Variants in ZNF284 observed in about 807,000 individuals in gnomAD.
ZNF284 encodes the protein zinc finger protein 284.
In ZNF284, 12 loss-of-function variants were observed where a neutral mutation model predicts 12.9. The ratio of observed to expected loss-of-function variants is 0.93; its 90% CI spans 0.60 to 1.51. The LOEUF (loss-of-function observed/expected upper bound fraction) is 1.51. Ranked by LOEUF, ZNF284 falls within the 40% of genes most tolerant of loss-of-function variation. The pLI, the probability that ZNF284 is intolerant of heterozygous loss-of-function variation, is 0.00. For missense variants in ZNF284, 667 were observed against 707.3 expected (o/e 0.94, Z 0.65); for synonymous variants, 225 against 236.5 (o/e 0.95, Z 0.45).
chr19:44,079,581 C>T (rs541027423), intron 2 of ZNF284, among the ~76,000 whole-genome samples: 18 of 152,002 alleles, frequency 1.2e-4, no homozygotes, highest in African/African-American at 1.7e-4. Flanking sequence ...TGGTGGTGGG[C>T]GCCTGTAGTC....
chr19:44,078,768 T>TTAAATTAAAC (rs1967072114), intron 2 of ZNF284, among the ~76,000 whole-genome samples: 2 of 152,192 alleles, frequency 1.3e-5, no homozygotes, highest in Admixed American at 6.5e-5. Flanking sequence ...TTTGAAATTA[T>TTAAATTAAAC]TAAATTAAAC....
intron 1 of ZNF284, among the ~76,000 whole-genome samples, chr19:44,073,225 G>T (rs1966975251): frequency 6.6e-6 from 1 of 152,178 alleles, no homozygotes; most frequent in Non-Finnish European, 1.5e-5. Context: ...AAACCTGGGC[G>T]TTACAGGTCA....
In ZNF284 at chr19:44,086,912, T is replaced by C. The variant is rs528357630; in HGVS notation, c.1434T>C (p.Thr478=). The change falls in exon 5 of 5, where the codon ACT becomes ACC. Residue 478 remains threonine (T), a synonymous_variant. Transcript: ENST00000421176. Reference sequence around the variant, plus strand: ...TTTTGAGACATAAGAGACTCCATACTGGAGAAAAACCATTCAAATGTGAAG... The same window carrying C: ...TTTTGAGACATAAGAGACTCCATACCGGAGAAAAACCATTCAAATGTGAAG... The part of the protein sequence containing the change: ...SGILRHKRLH[T]GEKPFKCEEC... 1.2e-6 allele frequency: 2 copies of C among 1,614,128 alleles called. No homozygotes were observed. The highest frequency in any genetic ancestry group is 1.7e-6 in the Non-Finnish European group (2 of 1,180,012).
At position 44,087,269 on chromosome 19, in the gene ZNF284, C is replaced by T; in HGVS notation, c.*9C>T. ...TTTTAAATGATATATAATTATTGTC[C>T]ATATTTATGGGTTACAGCATATTTC... On this transcript the variant is annotated 3_prime_UTR_variant, in exon 5 of 5. Transcript: ENST00000421176. 2.0e-6 allele frequency: 3 copies of T among 1,499,334 alleles called. No individual in the cohort carries two copies. Among genetic ancestry groups the T allele is most frequent in the Non-Finnish European group, 9.0e-7 (1 of 1,116,180 alleles). 92.9% of individuals were successfully genotyped at this position (1,499,334 alleles called of 1,614,324 possible).
intron 2 of ZNF284, among the ~76,000 whole-genome samples, chr19:44,076,921 G>A (rs1203587287): frequency 6.6e-6 from 1 of 151,550 alleles, no homozygotes; most frequent in African/African-American, 2.4e-5. Flanking sequence ...CCGGGTTCAA[G>A]CGATTCTCCT....
At chr19:44,076,206 T>C in intron 1 of ZNF284, 116 bp from the exon 2 acceptor site, 1 of 532,100 alleles carries the variant, frequency 1.9e-6, no homozygotes, top group Non-Finnish European at 3.3e-6. Context: ...TTATGAATAA[T>C]GCCCCTGTGA....
At chr19:44,085,585 G>A (rs1967218929) in intron 4 of ZNF284, 129 bp from the exon 5 acceptor site, 2 of 793,220 alleles carry the variant, frequency 2.5e-6, no homozygotes, top group African/African-American at 1.7e-5. Context: ...AGACCGTGGT[G>A]CACTTGGAAA....
rs763788955 is a variant in ZNF284 at position 44,077,535 on chromosome 19, C to CTT, written c.15+1154_15+1155dup. The stretch of plus-strand genomic sequence containing the variant: ...ACCCTGGATGTAATCATTTTTCTGT[C>CTT]TTTTTTTTTTTTTTTTTTTTTTTTA... On this transcript the variant is annotated intron_variant, in intron 2 of 4. Transcript: ENST00000421176. 6.0e-3 allele frequency among the ~76,000 whole-genome samples: 455 copies of CTT among 76,184 alleles called. 2 individuals carry two copies. Among genetic ancestry groups the CTT allele is most frequent in the South Asian group, 0.029 (61 of 2,080 alleles). The allele number at this position is 76,184 out of a possible 152,430, so 50.0% of individuals were successfully genotyped here.
In ZNF284 at chr19:44,086,156, T is replaced by C. The variant is rs148808959; in HGVS notation, c.678T>C (p.Thr226=). Residue 226 remains threonine, a synonymous_variant, in exon 5 of 5, where the codon ACT becomes ACC. Coordinates refer to ENST00000421176, the MANE Select transcript of ZNF284 (RefSeq NM_001037813.4). The part of the protein sequence containing the change: ...SQLQTHQRIH[T]GEKPFKCEQC... ...TGCAAACTCATCAGAGAATCCACAC[T>C]GGAGAGAAACCATTCAAATGTGAGC... is the stretch of plus-strand genomic sequence containing the variant. The C allele has an allele frequency of 4.6e-4, 742 of 1,614,222 alleles. 3 individuals carry two copies. The African/African-American group carries it at 8.9e-3, about 19-fold the overall frequency.
chr19:44,086,844 A>C lies in ZNF284; in HGVS notation c.1366A>C (p.Asn456His), dbSNP rs746453217. ...QRVHTGERPY[N>H]CKECGKSFRW... is the part of the protein sequence containing the mutation. ...GGTCCACACGGGAGAGAGACCTTAT[A>C]ATTGTAAGGAATGTGGAAAGAGCTT... The change falls in exon 5 of 5, where the codon AAT becomes CAT. Residue 456 changes from asparagine (N) to histidine (H), a missense_variant. Asn to His is a moderately conservative substitution (Grantham distance 68). Transcript: ENST00000421176. 1 of 1,614,082 alleles carries C rather than the reference A, an allele frequency of 6.2e-7. No individual in the cohort carries two copies. The highest frequency in any genetic ancestry group is 1.1e-5 in the South Asian group (1 of 91,058).
chr19:44,077,535 C>CTTTTTTTTTTTTTTTTTTT (rs763788955), intron 2 of ZNF284, among the ~76,000 whole-genome samples: 1 of 76,238 alleles, frequency 1.3e-5, no homozygotes, highest in African/African-American at 4.9e-5. Context: ...ATTTTTCTGT[C>CTTTTTTTTTTTTTTTTTTT]TTTTTTTTTT....
At chr19:44,083,918 G>A (rs1351971350) in intron 4 of ZNF284, among the ~76,000 whole-genome samples, 1 of 152,112 alleles carries the variant, frequency 6.6e-6, no homozygotes, top group Admixed American at 6.5e-5. Flanking sequence ...GTCACTAGGA[G>A]GAGTATACAG....
At chr19:44,078,057 G>GA (rs1404337626) in intron 2 of ZNF284, among the ~76,000 whole-genome samples, 1 of 152,034 alleles carries the variant, frequency 6.6e-6, no homozygotes, top group Non-Finnish European at 1.5e-5. Flanking sequence ...AGCCTAAGGT[G>GA]AAAATATTTA....
rs1036275159 is a variant in ZNF284, at chr19:44,087,768, T to A, written c.*508T>A. ...CACCACGCCCAGCTAATTTTTGTAC[T>A]TTTTTTTTTTTTTTTTTGAGACAGA... On this transcript the variant is annotated 3_prime_UTR_variant, in exon 5 of 5. Coordinates refer to ENST00000421176, the MANE Select transcript of ZNF284 (RefSeq NM_001037813.4). The A allele has an allele frequency of 2.8e-4, 1 of 3,586 alleles. No individual in the cohort carries two copies. The highest frequency in any genetic ancestry group is 1.4e-3 in the East Asian group (1 of 690). 0.2% of individuals were successfully genotyped at this position (3,586 alleles called of 1,614,324 possible). A position where few individuals can be genotyped will look rare whatever the true frequency, so the allele number is the denominator to read the frequency against.
In ZNF284 at chr19:44,087,006, C is replaced by G; in HGVS notation, c.1528C>G (p.Pro510Ala). 6.2e-7 allele frequency: 1 copy of G among 1,614,118 alleles called. No individual in the cohort carries two copies. Among genetic ancestry groups the G allele is most frequent in the Non-Finnish European group, 8.5e-7 (1 of 1,180,014 alleles). Residue 510 changes from proline (P) to alanine (A), a missense_variant, in exon 5 of 5, where the codon CCT becomes GCT. By Grantham distance (27) the Pro-to-Ala change is conservative (BLOSUM62 -1). Coordinates refer to ENST00000421176, the MANE Select transcript of ZNF284 (RefSeq NM_001037813.4). ...FHQRIHTGEK[P>A]YKCEECGKGF... The stretch of plus-strand genomic sequence containing the variant: ...TCAAAGAATTCACACTGGAGAAAAG[C>G]CTTACAAATGTGAGGAGTGTGGAAA...
In ZNF284 at chr19:44,087,592, CTTTTT is replaced by C. The variant is rs924151303; in HGVS notation, c.*354_*358del. 65 of 100,260 alleles carry C rather than the reference CTTTTT, an allele frequency of 6.5e-4. 1 individual carries two copies. The highest frequency in any genetic ancestry group is 2.5e-3 in the South Asian group (8 of 3,176). The allele number at this position is 100,260 out of a possible 1,614,324, so 6.2% of individuals were successfully genotyped here. A position where few individuals can be genotyped will look rare whatever the true frequency, so the allele number is the denominator to read the frequency against. ...TAATTGCTATGCCATGCTGCTTCTG[CTTTTT>C]TTTTTTTTTTTTTTTTTTTTTGAGA... On this transcript the variant is annotated 3_prime_UTR_variant, in exon 5 of 5. Transcript: ENST00000421176.
intron 2 of ZNF284, among the ~76,000 whole-genome samples, chr19:44,079,322 G>C (rs73558261): frequency 0.036 from 5,547 of 152,266 alleles, 279 homozygotes; most frequent in African/African-American, 0.11. Flanking sequence ...AGCCAGGTGC[G>C]GTGGCTCACG....
At position 44,087,767 on chromosome 19, in the gene ZNF284, CTTT is replaced by C. The variant is rs142880841; in HGVS notation, c.*523_*525del. Reference sequence around the variant, plus strand: ...CCACCACGCCCAGCTAATTTTTGTACTTTTTTTTTTTTTTTTTTGAGACAGAGT... The same window carrying C: ...CCACCACGCCCAGCTAATTTTTGTACTTTTTTTTTTTTTTTGAGACAGAGT... On this transcript the variant is annotated 3_prime_UTR_variant, in exon 5 of 5. Transcript: ENST00000421176. 0.078 allele frequency: 9,596 copies of C among 122,792 alleles called. 738 individuals carry two copies. The highest frequency in any genetic ancestry group is 0.18 in the African/African-American group (5,842 of 32,652). 7.6% of individuals were successfully genotyped at this position (122,792 alleles called of 1,614,324 possible).
rs1002392940 is a variant in ZNF284, at chr19:44,088,673, G to C, written c.*1413G>C. ...GCTCACATCTTCAAATTCAGTGTCT[G>C]TTCTGTAGAGAAACCTTAATAATGT... On this transcript the variant is annotated 3_prime_UTR_variant, in exon 5 of 5. Coordinates refer to ENST00000421176, the MANE Select transcript of ZNF284 (RefSeq NM_001037813.4). 1 of 152,198 alleles carries C rather than the reference G, an allele frequency of 6.6e-6. No individual in the cohort carries two copies. The highest frequency in any genetic ancestry group is 2.4e-5 in the African/African-American group (1 of 41,444). 9.4% of individuals were successfully genotyped at this position (152,198 alleles called of 1,614,324 possible). A position where few individuals can be genotyped will look rare whatever the true frequency, so the allele number is the denominator to read the frequency against.
Sources: gnomAD v4.1 joint callset for allele counts (sites outside exome capture counted in the v4.1 genomes callset) on GRCh38, gnomAD v4.1.1 for gene constraint, MANE v1.5 for transcripts, NCBI Gene and HGNC (gene_info 2026-07-23, HGNC 2026-07-21) for gene names.